PPP1R16B: variants seen among roughly 807,000 people sequenced by gnomAD.
The protein encoded by PPP1R16B is protein phosphatase 1 regulatory subunit 16B.
In PPP1R16B, 14 loss-of-function variants were observed where a neutral mutation model predicts 61.7. The ratio of observed to expected loss-of-function variants is 0.23; its 90% confidence interval spans 0.15 to 0.35. PPP1R16B has a LOEUF of 0.35. Ranked by LOEUF, PPP1R16B falls within the 10% of genes least tolerant of loss-of-function variation. The pLI, the probability that PPP1R16B is intolerant of heterozygous loss-of-function variation, is 1.00. For synonymous variants in PPP1R16B, 266 were observed against 305.3 expected (o/e 0.87, Z 1.34); for missense variants, 547 against 752.5 (o/e 0.73, Z 3.19).
In PPP1R16B at chr20:38,851,871, A is replaced by G. The variant is rs55776947; in HGVS notation, c.250+15696A>G. ...CTGTATCTCTACCAAAAACAAAAAC[A>G]AAAACAAAAACAAAAGCCAGGCATG... On this transcript the variant is annotated intron_variant, in intron 2 of 10. Coordinates refer to ENST00000299824, the MANE Select transcript of PPP1R16B (RefSeq NM_015568.4). 8.5e-3 allele frequency among the ~76,000 whole-genome samples: 1,290 copies of G among 152,316 alleles called. 13 individuals carry two copies. Among genetic ancestry groups the G allele is most frequent in the Non-Finnish European group, 0.015 (1,014 of 68,020 alleles).
At chr20:38,827,330 T>TACATGACAGA (rs1157617737) in intron 1 of PPP1R16B, among the ~76,000 whole-genome samples, 9 of 152,252 alleles carry the variant, frequency 5.9e-5, no homozygotes, top group Non-Finnish European at 1.2e-4. Context: ...GTTCCACTGC[T>TACATGACAGA]GGACATGATG....
rs990853292 is a variant in PPP1R16B, at chr20:38,836,335, G to A, written c.250+160G>A. On this transcript the variant is annotated intron_variant, in intron 2 of 10. Transcript: ENST00000299824. ...CCTCTTAGGAAGTGGACGTTCCTAG[G>A]AACTTCGAATTTATCTTAGACTTCT... Among the ~76,000 whole-genome samples, 4 of 149,778 alleles carry A rather than the reference G, an allele frequency of 2.7e-5. No homozygotes were observed. The Admixed American group carries it at 2.7e-4, about 10-fold the overall frequency.
At chr20:38,809,230 C>G (rs2084682856) in intron 1 of PPP1R16B, among the ~76,000 whole-genome samples, 1 of 150,790 alleles carries the variant, frequency 6.6e-6, no homozygotes, top group African/African-American at 2.4e-5. Flanking sequence ...GGGAAAGCCT[C>G]TCAGCCTGTC....
chr20:38,815,592 C>T (rs2084730430), intron 1 of PPP1R16B, among the ~76,000 whole-genome samples: 1 of 152,378 alleles, frequency 6.6e-6, no homozygotes, highest in Middle Eastern at 3.4e-3. Flanking sequence ...TCCAAAGAGG[C>T]TGAACCAATT....
intron 1 of PPP1R16B, among the ~76,000 whole-genome samples, chr20:38,810,091 T>C (rs2084690663): frequency 6.6e-6 from 1 of 152,098 alleles, no homozygotes; most frequent in Admixed American, 6.5e-5. Flanking sequence ...TATTAGTCTA[T>C]TATTGCCAAT....
chr20:38,813,987 G>T (rs1391206736), intron 1 of PPP1R16B, among the ~76,000 whole-genome samples: 1 of 151,854 alleles, frequency 6.6e-6, no homozygotes, highest in Non-Finnish European at 1.5e-5. Flanking sequence ...AGTAGAGAAG[G>T]GGTTTCACCA....
intron 2 of PPP1R16B, among the ~76,000 whole-genome samples, chr20:38,839,935 T>C (rs532012168): frequency 1.3e-5 from 2 of 152,364 alleles, no homozygotes; most frequent in East Asian, 3.9e-4. Context: ...GAGATGGATC[T>C]GAAGGTATTA....
intron 1 of PPP1R16B, among the ~76,000 whole-genome samples, chr20:38,830,378 T>C (rs758284630): frequency 6.6e-6 from 1 of 152,240 alleles, no homozygotes. Context: ...CAAGATGGGT[T>C]TCCCAAATAT....
intron 1 of PPP1R16B, among the ~76,000 whole-genome samples, chr20:38,814,959 T>A (rs779451117): frequency 6.6e-6 from 1 of 152,230 alleles, no homozygotes; most frequent in Non-Finnish European, 1.5e-5. Context: ...ATGGACTGGA[T>A]AGAGAGGAAA....
At chr20:38,834,951 T>C (rs893657882) in intron 1 of PPP1R16B, among the ~76,000 whole-genome samples, 1 of 152,248 alleles carries the variant, frequency 6.6e-6, no homozygotes, top group African/African-American at 2.4e-5. Flanking sequence ...TGGATTCTTG[T>C]ATCTACTTCT....
At position 38,902,749 on chromosome 20, in the gene PPP1R16B, C is replaced by T. The variant is rs776739020; in HGVS notation, c.653C>T (p.Ala218Val). ...MIADIHCMIA[A>V]GQDLDWIDAQ... ...GCGGACATCCACTGCATGATCGCAGCGGGCCAGGACCTGGACTGGATAGAT... is the reference window on the plus strand; with the variant it reads ...GCGGACATCCACTGCATGATCGCAGTGGGCCAGGACCTGGACTGGATAGAT... Residue 218 changes from alanine (A) to valine (V), a missense_variant, in exon 6 of 11, where the codon GCG (alanine) becomes GTG (valine). By Grantham distance (64) the Ala-to-Val change is moderately conservative. Transcript: ENST00000299824. The T allele has an allele frequency of 9.3e-6, 15 of 1,614,118 alleles. No homozygotes were observed. The highest frequency in any genetic ancestry group is 6.7e-5 in the East Asian group (3 of 44,904).
At chr20:38,892,309 C>T (rs981173852) in intron 3 of PPP1R16B, among the ~76,000 whole-genome samples, 17 of 152,098 alleles carry the variant, frequency 1.1e-4, no homozygotes, top group Admixed American at 3.9e-4. Context: ...GGACCAGTTT[C>T]TCCTGTGGGT....
At chr20:38,893,492 T>A (rs1340978574) in intron 3 of PPP1R16B, among the ~76,000 whole-genome samples, 1 of 151,650 alleles carries the variant, frequency 6.6e-6, no homozygotes, top group Non-Finnish European at 1.5e-5. Flanking sequence ...TGATGAAACT[T>A]CATCCAGGGC....
rs915233002 is a variant in PPP1R16B, at chr20:38,835,939, T to C, written c.14T>C (p.Val5Ala). The change falls in exon 2 of 11, where the codon GTG (valine) becomes GCG (alanine). Residue 5 changes from valine (V) to alanine (A), a missense_variant. Physicochemically the swap from Val to Ala is moderately conservative, Grantham distance 64. Transcript: ENST00000299824. MASH[V>A]DLLTELQLLE... ...AGGGCGGTGGCCATGGCCAGTCACG[T>C]GGACCTGCTGACGGAGCTGCAGCTG... The C allele has an allele frequency of 3.9e-6, 6 of 1,541,878 alleles. No homozygotes were observed. The highest frequency in any genetic ancestry group is 5.2e-6 in the Non-Finnish European group (6 of 1,145,464).
Position 38,828,218 on chromosome 20 carries a change from G to A in PPP1R16B, c.-101-7607G>A, listed in dbSNP as rs527834407. Among the ~76,000 whole-genome samples, 6 of 152,298 alleles carry A rather than the reference G, an allele frequency of 3.9e-5. No homozygotes were observed. The East Asian group carries it at 5.8e-4, about 15-fold the overall frequency. On this transcript the variant is annotated intron_variant, in intron 1 of 10. Coordinates refer to ENST00000299824, the MANE Select transcript of PPP1R16B (RefSeq NM_015568.4). ...TTAAGCAGTCACAAAGCCTGGGCCC[G>A]CTTCTCCCAGCTGAGTGGGCAGGGA...
rs184096795 is a variant in PPP1R16B, at chr20:38,885,840, G to A, written c.251-3755G>A. ...GCCCAGGCTGGAGTGCAATGGTGCA[G>A]TCTCGGCTCACTGCAACCTCTGCCT... On this transcript the variant is annotated intron_variant, in intron 2 of 10. Transcript: ENST00000299824. 5.9e-3 allele frequency among the ~76,000 whole-genome samples: 901 copies of A among 152,266 alleles called. 6 individuals are homozygous for A. Among genetic ancestry groups the A allele is most frequent in the South Asian group, 0.02 (97 of 4,830 alleles).
Position 38,918,215 on chromosome 20 carries a change from G to A in PPP1R16B, c.1253G>A (p.Gly418Asp). The change falls in exon 11 of 11, where the codon GGT (glycine) becomes GAT (aspartate). Residue 418 changes from glycine to aspartate, a missense_variant. Transcript: ENST00000299824. This position sits in a 1 kb window ranked among gnomAD's most constrained non-coding sequence, Gnocchi z 5.3. ...LSEFPTKIPR[G>D]ELDMPVENGL... ...GAATTTCCTACCAAGATCCCACGAG[G>A]TGAACTGGACATGCCTGTTGAGAAT... is the stretch of plus-strand genomic sequence containing the variant. 6.2e-7 allele frequency: 1 copy of A among 1,614,258 alleles called. No homozygotes were observed. The highest frequency in any genetic ancestry group is 8.5e-7 in the Non-Finnish European group (1 of 1,180,042).
intron 1 of PPP1R16B, among the ~76,000 whole-genome samples, chr20:38,832,801 T>C (rs980001780): frequency 6.6e-6 from 1 of 151,178 alleles, no homozygotes; most frequent in Non-Finnish European, 1.5e-5. Context: ...GCCTGTAATC[T>C]CAGCTACTTG....
intron 1 of PPP1R16B, among the ~76,000 whole-genome samples, chr20:38,826,926 A>T (rs1419576255): frequency 1.3e-5 from 2 of 152,090 alleles, no homozygotes; most frequent in Admixed American, 6.5e-5. Flanking sequence ...TTAAAAAATT[A>T]TTCATGTATT....
Sources: gnomAD v4.1 joint callset for allele counts (sites outside exome capture counted in the v4.1 genomes callset) on GRCh38, gnomAD v4.1.1 for gene constraint, Gnocchi (gnomAD v3.1) non-coding constraint, MANE v1.5 for transcripts, NCBI Gene and HGNC (gene_info 2026-07-23, HGNC 2026-07-21) for gene names.